The following DRG2 variants were observed in gnomAD, a reference collection of about 807,000 sequenced individuals.
DRG2 encodes developmentally-regulated GTP-binding protein 2.
A neutral mutation model predicts 53.4 loss-of-function variants in DRG2; 36 were observed. The ratio of observed to expected loss-of-function variants is 0.67; its 90% CI spans 0.52 to 0.89. DRG2 has a LOEUF of 0.89. DRG2 is among the 40% of genes least tolerant of loss of function. The pLI is 0.00. For synonymous variants in DRG2, 167 were observed against 192.1 expected (o/e 0.87, Z 1.08); for missense variants, 342 against 481.2 (o/e 0.71, Z 2.71).
intron 2 of DRG2, chr17:18,095,337 A>G (rs1337005179): frequency 6.6e-6 from 1 of 151,298 alleles, no homozygotes; most frequent in Admixed American, 6.6e-5. Context: ...TGAGGAATAA[A>G]ATAAACATCA....
intron 1 of DRG2, 106 bp downstream of exon 1, chr17:18,088,193 G>C (rs1284841066): frequency 7.3e-7 from 1 of 1,376,518 alleles, no homozygotes; most frequent in African/African-American, 1.5e-5. Flanking sequence ...ATCCGAGGCC[G>C]CGGAGAAGTT....
At position 18,093,847 on chromosome 17, in the gene DRG2, G is replaced by A; in HGVS notation, c.99G>A (p.Lys33=). 7 of 1,614,184 alleles carry A rather than the reference G, an allele frequency of 4.3e-6. No individual in the cohort carries two copies. Among genetic ancestry groups the A allele is most frequent in the Non-Finnish European group, 5.9e-6 (7 of 1,180,038 alleles). The change falls in exon 2 of 13, where the codon AAG becomes AAA. Residue 33 remains lysine, a synonymous_variant. Coordinates refer to ENST00000225729, the MANE Select transcript of DRG2 (RefSeq NM_001388.5). The stretch of plus-strand genomic sequence containing the variant: ...ATCATCTGGGCCTGCTGAAAGCTAA[G>A]CTCGCCAAGTATCGGGCCCAGCTCC... ...TEYHLGLLKA[K]LAKYRAQLLE...
Position 18,100,899 on chromosome 17 carries a change from C to T in DRG2, c.631+240C>T, listed in dbSNP as rs1011314179. ...GGCACTGTGGTAGCCAGATGACATC[C>T]GGAAGAAAAAGATGTCATGGGAAAC... On this transcript the variant is annotated intron_variant, in intron 7 of 12. Transcript: ENST00000225729. This position sits in a 1 kb window ranked among gnomAD's most constrained non-coding sequence, Gnocchi z 4.1. Among the ~76,000 whole-genome samples, 10 of 152,120 alleles carry T rather than the reference C, an allele frequency of 6.6e-5. No individual in the cohort carries two copies. Among genetic ancestry groups the T allele is most frequent in the African/African-American group, 1.7e-4 (7 of 41,416 alleles).
In DRG2 at chr17:18,099,349, G is replaced by A. The variant is rs1202526855; in HGVS notation, c.376+272G>A. 3 of 611,104 alleles carry A rather than the reference G, an allele frequency of 4.9e-6. No homozygotes were observed. The highest frequency in any genetic ancestry group is 3.7e-5 in the African/African-American group (2 of 54,080). 37.9% of individuals were successfully genotyped at this position (611,104 alleles called of 1,614,324 possible). On this transcript the variant is annotated intron_variant, in intron 4 of 12. Coordinates refer to ENST00000225729, the MANE Select transcript of DRG2 (RefSeq NM_001388.5). This position sits in a 1 kb window ranked among gnomAD's most constrained non-coding sequence, Gnocchi z 4.4. ...CAGCATAGTTTTGAGGATTAAGTGA[G>A]GAAATGTTCAGGAAGCATTTAGCCT...
chr17:18,099,271 A>G lies in DRG2; in HGVS notation c.376+194A>G, dbSNP rs2045484590. ...TTGGGCAAGTGATTGGGTATCTCTA[A>G]GCCAAGCCTCAGTTTCCTCAGCTGT... On this transcript the variant is annotated intron_variant, in intron 4 of 12. Coordinates refer to ENST00000225729, the MANE Select transcript of DRG2 (RefSeq NM_001388.5). This position sits in a 1 kb window ranked among gnomAD's most constrained non-coding sequence, Gnocchi z 4.4. 1 of 672,248 alleles carries G rather than the reference A, an allele frequency of 1.5e-6. No homozygotes were observed. 41.6% of individuals were successfully genotyped at this position (672,248 alleles called of 1,614,324 possible).
At chr17:18,088,769 T>C (rs544280229) in intron 1 of DRG2, among the ~76,000 whole-genome samples, 19 of 152,252 alleles carry the variant, frequency 1.2e-4, no homozygotes, top group East Asian at 9.6e-4. Context: ...GCCTCAAATC[T>C]GGACTTTAGA....
intron 2 of DRG2, among the ~76,000 whole-genome samples, chr17:18,095,001 A>G (rs1302718795): frequency 6.6e-6 from 1 of 150,738 alleles, no homozygotes; most frequent in Non-Finnish European, 1.5e-5. Context: ...AAAAAAAAAA[A>G]AAGAAGGTTT....
intron 2 of DRG2, chr17:18,095,561 A>G (rs2045421348): frequency 6.6e-6 from 1 of 151,090 alleles, no homozygotes; most frequent in African/African-American, 2.4e-5. Flanking sequence ...CGCCCGGCTA[A>G]TTTTTTGTAT....
At chr17:18,089,592 A>G (rs116381303) in intron 1 of DRG2, among the ~76,000 whole-genome samples, 459 of 152,322 alleles carry the variant, frequency 3.0e-3, no homozygotes, top group African/African-American at 0.01. Context: ...AATATGTGCT[A>G]TGAAGACAAA....
At position 18,100,247 on chromosome 17, in the gene DRG2, A is replaced by C; in HGVS notation, c.468-116A>C. 1.9e-6 allele frequency: 2 copies of C among 1,035,368 alleles called. No individual in the cohort carries two copies. The highest frequency in any genetic ancestry group is 3.0e-6 in the Non-Finnish European group (2 of 663,464). The allele number at this position is 1,035,368 out of a possible 1,614,324, so 64.1% of individuals were successfully genotyped here. On this transcript the variant is annotated intron_variant, in intron 5 of 12. Transcript: ENST00000225729. The surrounding 1 kb of genome is among the most constrained non-coding windows in gnomAD (Gnocchi z 4.1). ...GGAGTGTTCTCTGGGTTGCTGGGGA[A>C]GGGGGTGGAGGAGAGAGTCAGTCTC...
chr17:18,107,261 G>T lies in DRG2; in HGVS notation c.*21G>T. The T allele has an allele frequency of 6.2e-7, 1 of 1,610,524 alleles. No homozygotes were observed. The highest frequency in any genetic ancestry group is 8.5e-7 in the Non-Finnish European group (1 of 1,179,100). On this transcript the variant is annotated 3_prime_UTR_variant, in exon 13 of 13. Coordinates refer to ENST00000225729, the MANE Select transcript of DRG2 (RefSeq NM_001388.5). ...AGTAACGGCGCCTGCCGGGCCTCCC[G>T]CCCACCTGCCTCGTCTCCCTGGGGA... is the stretch of plus-strand genomic sequence containing the variant.
At chr17:18,097,390 T>C (rs2045451786) in intron 2 of DRG2, 1 of 152,236 alleles carries the variant, frequency 6.6e-6, no homozygotes, top group South Asian at 2.1e-4. Context: ...AGGCAGGGTC[T>C]GGATAGCTGG....
chr17:18,104,781 T>G, intron 11 of DRG2, 100 bp downstream of exon 11: 2 of 1,579,120 alleles, frequency 1.3e-6, no homozygotes, highest in Non-Finnish European at 1.7e-6. Flanking sequence ...TGGGCTCTGC[T>G]GGTCTCACTC....
intron 1 of DRG2, 23 bp from the exon 2 acceptor site, chr17:18,093,788 TTC>T (rs1250402613): frequency 6.2e-7 from 1 of 1,609,148 alleles, no homozygotes; most frequent in African/African-American, 1.3e-5. Flanking sequence ...GCCACTCATC[TTC>T]TGTCTTGCTT....
intron 1 of DRG2, among the ~76,000 whole-genome samples, chr17:18,093,241 GC>G (rs766200646): frequency 2.6e-5 from 4 of 151,906 alleles, no homozygotes; most frequent in Non-Finnish European, 4.4e-5. Context: ...TTTCCAGAAT[GC>G]CCCCCAGGAA....
intron 12 of DRG2, among the ~76,000 whole-genome samples, chr17:18,106,778 C>A (rs2045645334): frequency 6.8e-6 from 1 of 147,498 alleles, no homozygotes; most frequent in African/African-American, 2.5e-5. Flanking sequence ...GCAGCCTCGA[C>A]ATCTGTGCAA....
rs949325649 is a variant in DRG2, at chr17:18,100,024, C to T, written c.467+301C>T. ...AACCTGCCAGGAGCCCAGCCCCAGG[C>T]ACAGAAGCATTGTTCATCCACATCC... On this transcript the variant is annotated intron_variant, in intron 5 of 12. Transcript: ENST00000225729. The surrounding 1 kb of genome is among the most constrained non-coding windows in gnomAD (Gnocchi z 4.1). 1.7e-6 allele frequency: 1 copy of T among 579,628 alleles called. No individual in the cohort carries two copies. Among genetic ancestry groups the T allele is most frequent in the Non-Finnish European group, 3.1e-6 (1 of 325,094 alleles). The allele number at this position is 579,628 out of a possible 1,614,324, so 35.9% of individuals were successfully genotyped here. A position where few individuals can be genotyped will look rare whatever the true frequency, so the allele number is the denominator to read the frequency against.
In DRG2 at chr17:18,100,262, G is replaced by C. The variant is rs576350358; in HGVS notation, c.468-101G>C. 4 of 1,204,536 alleles carry C rather than the reference G, an allele frequency of 3.3e-6. No individual in the cohort carries two copies. The South Asian group carries it at 3.7e-5, about 11-fold the overall frequency. 74.6% of individuals were successfully genotyped at this position (1,204,536 alleles called of 1,614,324 possible). ...TTGCTGGGGAAGGGGGTGGAGGAGA[G>C]AGTCAGTCTCTGGGTGGGCAGTGAC... On this transcript the variant is annotated intron_variant, in intron 5 of 12. Transcript: ENST00000225729. This position sits in a 1 kb window ranked among gnomAD's most constrained non-coding sequence, Gnocchi z 4.1.
intron 1 of DRG2, 42 bp downstream of exon 1, chr17:18,088,129 A>T (rs1425767310): frequency 6.5e-7 from 1 of 1,528,862 alleles, no homozygotes; most frequent in Non-Finnish European, 8.8e-7. Context: ...TGCCTGCCTC[A>T]GTTTTCCTGT....
Sources: gnomAD v4.1 joint callset for allele counts (sites outside exome capture counted in the v4.1 genomes callset) on GRCh38, gnomAD v4.1.1 for gene constraint, Gnocchi (gnomAD v3.1) non-coding constraint, MANE v1.5 for transcripts, NCBI Gene and HGNC (gene_info 2026-07-23, HGNC 2026-07-21) for gene names.